Variants in ABHD2 observed in about 807,000 individuals in gnomAD.
ABHD2 encodes the protein abhydrolase domain containing 2, acylglycerol lipase.
Under a neutral mutation model 48.1 loss-of-function variants are expected in ABHD2, and 20 were observed. The observed-to-expected ratio is 0.42, with a 90% confidence interval of 0.29 to 0.60. The LOEUF (loss-of-function observed/expected upper bound fraction) is 0.60, where lower values mean the gene tolerates loss of function less well. ABHD2 is among the 20% of genes least tolerant of loss of function. The pLI is 0.24. For missense variants in ABHD2, 405 were observed against 550.9 expected, an observed-to-expected ratio of 0.74 and a Z score of 2.65; for synonymous variants, 209 against 214.2, an observed-to-expected ratio of 0.98 and a Z score of 0.21.
rs1596176668 is a variant in ABHD2, at chr15:89,201,701, A to G, written c.*6278A>G. On this transcript the variant is annotated 3_prime_UTR_variant, in exon 11 of 11. Coordinates refer to ENST00000352732, the MANE Select transcript of ABHD2 (RefSeq NM_152924.5). ...ATGGATTTCGCAATTTAAGATTTGT[A>G]GTGACTACATCTGTGAAGGGGCCTT... The G allele has an allele frequency of 4.4e-6, 7 of 1,608,210 alleles. No individual in the cohort carries two copies. In the East Asian group the frequency reaches 1.6e-4, roughly 36 times the overall value.
chr15:89,167,442 C>A lies in ABHD2; in HGVS notation c.539-8370C>A, dbSNP rs552778362. Among the ~76,000 whole-genome samples, 1 of 152,136 alleles carries A rather than the reference C, an allele frequency of 6.6e-6. No individual in the cohort carries two copies. Among genetic ancestry groups the A allele is most frequent in the Non-Finnish European group, 1.5e-5 (1 of 68,034 alleles). On this transcript the variant is annotated intron_variant, in intron 5 of 10. Transcript: ENST00000352732. The surrounding 1 kb of genome is among the most constrained non-coding windows in gnomAD (Gnocchi z 5.5). ...ATCGTAGTAAAACACCTGGCAAGAT[C>A]GTCTGCTGAGAGCCAGGGGCCAGGA...
the ABHD2 span, among the ~76,000 whole-genome samples, chr15:89,068,196 G>GCACACA: frequency 0.021 from 3,156 of 149,782 alleles, 54 homozygotes; most frequent in African/African-American, 0.045. Context: ...ATGTGCGCGT[G>GCACACA]CACACACACA....
intron 9 of ABHD2, 127 bp from the exon 10 acceptor site, chr15:89,193,108 G>A (rs1388170019): frequency 2.4e-6 from 2 of 821,678 alleles, no homozygotes; most frequent in African/African-American, 1.7e-5. Flanking sequence ...TACCTGTTCA[G>A]CAAGCTGAGC....
At chr15:89,107,911 T>C (rs2049812255) in intron 1 of ABHD2, among the ~76,000 whole-genome samples, 3 of 152,208 alleles carry the variant, frequency 2.0e-5, no homozygotes, top group Admixed American at 2.0e-4. Context: ...GCTCTCTCAC[T>C]TTGCTGATAG....
chr15:89,106,649 C>T lies in ABHD2; in HGVS notation c.-106-7076C>T, dbSNP rs1436434520. Among the ~76,000 whole-genome samples the T allele has an allele frequency of 6.6e-6, 1 of 152,144 alleles. No individual in the cohort carries two copies. The highest frequency in any genetic ancestry group is 1.5e-5 in the Non-Finnish European group (1 of 68,028). Reference sequence around the variant, plus strand: ...GTCCCTGCAGAATGGTTTTTTTCCCCCTATGATGGCTCTGACTAATTTAGT... The same window carrying T: ...GTCCCTGCAGAATGGTTTTTTTCCCTCTATGATGGCTCTGACTAATTTAGT... On this transcript the variant is annotated intron_variant, in intron 1 of 10. Coordinates refer to ENST00000352732, the MANE Select transcript of ABHD2 (RefSeq NM_152924.5). This position sits in a 1 kb window ranked among gnomAD's most constrained non-coding sequence, Gnocchi z 4.2.
chr15:89,199,231 G>A lies in ABHD2; in HGVS notation c.*3808G>A, dbSNP rs1205766960. The A allele has an allele frequency of 2.0e-5, 3 of 152,050 alleles. No homozygotes were observed. Among genetic ancestry groups the A allele is most frequent in the African/African-American group, 7.2e-5 (3 of 41,380 alleles). The allele number at this position is 152,050 out of a possible 1,614,324, so 9.4% of individuals were successfully genotyped here. A position where few individuals can be genotyped will look rare whatever the true frequency, so the allele number is the denominator to read the frequency against. On this transcript the variant is annotated 3_prime_UTR_variant, in exon 11 of 11. Transcript: ENST00000352732. This position sits in a 1 kb window ranked among gnomAD's most constrained non-coding sequence, Gnocchi z 4.1. ...GTTCTTGTTTGTGTTTGCTCAGCAA[G>A]CAGATGTCTGAGATGTAAGAAGCTT...
chr15:89,052,723 G>A, the ABHD2 span, among the ~76,000 whole-genome samples: 1 of 152,124 alleles, frequency 6.6e-6, no homozygotes, highest in Non-Finnish European at 1.5e-5. Context: ...CTCACAGGGA[G>A]GCCATCCAGC....
the ABHD2 span, among the ~76,000 whole-genome samples, chr15:89,042,316 T>A: frequency 1.3e-5 from 2 of 152,148 alleles, no homozygotes; most frequent in African/African-American, 4.8e-5. Context: ...AACACTATAG[T>A]CTTGCTTTTA....
chr15:89,099,485 T>C (rs760859807), intron 1 of ABHD2, among the ~76,000 whole-genome samples: 2 of 152,094 alleles, frequency 1.3e-5, no homozygotes, highest in African/African-American at 4.8e-5. Context: ...TGGTGGCACA[T>C]ACCTGCAGTC....
chr15:89,083,766 C>G (rs1332773929), upstream of ABHD2, among the ~76,000 whole-genome samples: 2 of 152,146 alleles, frequency 1.3e-5, no homozygotes, highest in Non-Finnish European at 2.9e-5. This position sits in a 1 kb window ranked among gnomAD's most constrained non-coding sequence, Gnocchi z 5.1. Flanking sequence ...TCACTGGCCA[C>G]CAGAAAGCCT....
chr15:89,171,335 T>G (rs1252391978), intron 5 of ABHD2, among the ~76,000 whole-genome samples: 1 of 152,010 alleles, frequency 6.6e-6, no homozygotes, highest in Non-Finnish European at 1.5e-5. Context: ...TGGGGTGAGG[T>G]CCAAGAATGT....
In ABHD2 at chr15:89,201,039, G is replaced by A. The variant is rs888692561; in HGVS notation, c.*5616G>A. 1.5e-5 allele frequency: 10 copies of A among 669,914 alleles called. No homozygotes were observed. The highest frequency in any genetic ancestry group is 6.6e-5 in the South Asian group (4 of 60,458). 41.5% of individuals were successfully genotyped at this position (669,914 alleles called of 1,614,324 possible). On this transcript the variant is annotated 3_prime_UTR_variant, in exon 11 of 11. Transcript: ENST00000352732. ...GGAGGTTGCAGTGAGCCGAGATCAC[G>A]CCTCTGCACTCCAGCCTGGGCAACA...
upstream of ABHD2, among the ~76,000 whole-genome samples, chr15:89,083,221 C>T (rs1365107599): frequency 1.3e-5 from 2 of 151,994 alleles, no homozygotes; most frequent in East Asian, 1.9e-4. This position sits in a 1 kb window ranked among gnomAD's most constrained non-coding sequence, Gnocchi z 5.1. Context: ...TCGCCTTCTC[C>T]GGAAATAGTT....
chr15:89,183,384 A>ATATATAT lies in ABHD2; in HGVS notation c.723-2040_723-2039insTATATAT, dbSNP rs1555433649. 3.4e-3 allele frequency: 155 copies of ATATATAT among 46,022 alleles called. 1 individual carries two copies. Among genetic ancestry groups the ATATATAT allele is most frequent in the East Asian group, 7.0e-3 (9 of 1,284 alleles). 2.9% of individuals were successfully genotyped at this position (46,022 alleles called of 1,614,324 possible). A position where few individuals can be genotyped will look rare whatever the true frequency, so the allele number is the denominator to read the frequency against. On this transcript the variant is annotated intron_variant, in intron 6 of 10. Transcript: ENST00000352732. The stretch of plus-strand genomic sequence containing the variant: ...AGTCCTTTTCAAAAAAAAAAAAAAA[A>ATATATAT]ATATATATATATATATATATATATA...
At chr15:89,065,126 T>G in the ABHD2 span, among the ~76,000 whole-genome samples, 1 of 152,134 alleles carries the variant, frequency 6.6e-6, no homozygotes, top group Admixed American at 6.5e-5. Context: ...GGCCTTCCTT[T>G]CCAGACTCAA....
At chr15:89,156,420 CT>C (rs1567095287) in intron 5 of ABHD2, among the ~76,000 whole-genome samples, 1 of 152,150 alleles carries the variant, frequency 6.6e-6, no homozygotes, top group Non-Finnish European at 1.5e-5. Context: ...CGCGCCCCGC[CT>C]TTTTATTGTC....
chr15:89,143,369 T>G (rs1054383366), intron 3 of ABHD2, among the ~76,000 whole-genome samples: 2 of 152,206 alleles, frequency 1.3e-5, no homozygotes, highest in Non-Finnish European at 2.9e-5. Context: ...AACTAATTCA[T>G]TTTTTAAAAA....
intron 1 of ABHD2, among the ~76,000 whole-genome samples, chr15:89,108,386 C>T (rs2049820855): frequency 6.6e-6 from 1 of 152,212 alleles, no homozygotes; most frequent in African/African-American, 2.4e-5. Flanking sequence ...GTATCTGTGT[C>T]TTTGTATCCA....
rs532373319 is a variant in ABHD2, at chr15:89,155,443, C to T, written c.447C>T (p.Tyr149=). The T allele has an allele frequency of 8.7e-6, 14 of 1,614,052 alleles. No homozygotes were observed. Among genetic ancestry groups the T allele is most frequent in the Admixed American group, 1.7e-5 (1 of 60,004 alleles). ...EKQYIRTFVD[Y]AQKNGYRCAV... The stretch of plus-strand genomic sequence containing the variant: ...AATACATCCGCACTTTCGTTGACTA[C>T]GCCCAGAAAAATGGCTATCGGTGCG... The change falls in exon 5 of 11, where the codon TAC becomes TAT. Residue 149 remains tyrosine, a synonymous_variant. Coordinates refer to ENST00000352732, the MANE Select transcript of ABHD2 (RefSeq NM_152924.5). This position sits in a 1 kb window ranked among gnomAD's most constrained non-coding sequence, Gnocchi z 4.9.
Sources: allele counts gnomAD v4.1 joint callset (sites outside exome capture counted in the v4.1 genomes callset), GRCh38; gene constraint gnomAD v4.1.1; non-coding constraint Gnocchi (gnomAD v3.1); transcripts MANE v1.5; gene names NCBI Gene and HGNC (gene_info 2026-07-23, HGNC 2026-07-21).